AR: variants seen among roughly 807,000 people sequenced by gnomAD.
The protein encoded by AR is androgen receptor, also known as dihydrotestosterone receptor.
AR carries 8 observed loss-of-function variants against 53.9 expected under a neutral mutation model. That is an observed-to-expected ratio of 0.15 (90% confidence interval 0.09 to 0.27). The LOEUF (loss-of-function observed/expected upper bound fraction) is 0.27, where lower values mean the gene tolerates loss of function less well. Among genes scored for constraint, AR ranks in the 10% least tolerant of loss-of-function variants. AR has a pLI of 1.00. For synonymous variants in AR, 359 were observed against 316.4 expected (o/e 1.13, Z -1.43); for missense variants, 639 against 742.5 (o/e 0.86, Z 1.62).
chrX:67,577,004 C>CTTTT (rs35442632), intron 1 of AR, among the ~76,000 whole-genome samples: 4 of 90,800 alleles, frequency 4.4e-5, no homozygotes, highest in African/African-American at 4.1e-5. Context: ...CTCTCTCTCT[C>CTTTT]TTTTTTTTTT....
intron 5 of AR, 151 bp downstream of exon 5, chrX:67,717,773 C>A (rs765922651): frequency 1.1e-6 from 1 of 880,606 alleles, no homozygotes; most frequent in Non-Finnish European, 1.6e-6. Flanking sequence ...CAGTATGAGG[C>A]GGCTTTGCCC....
chrX:67,640,822 A>T (rs1925720270), intron 1 of AR, among the ~76,000 whole-genome samples: 1 of 111,376 alleles, frequency 9.0e-6, no homozygotes, highest in Non-Finnish European at 1.9e-5. Context: ...TATCATTATC[A>T]TCTCCTTTAC....
At chrX:67,705,732 AAGGG>A (rs1222922053) in intron 3 of AR, among the ~76,000 whole-genome samples, 1 of 111,704 alleles carries the variant, frequency 9.0e-6, no homozygotes, top group Non-Finnish European at 1.9e-5. Flanking sequence ...CCAGTTTTCA[AAGGG>A]AGTGCTTCCA....
chrX:67,661,632 G>C (rs1483839068), intron 2 of AR, among the ~76,000 whole-genome samples: 1 of 111,586 alleles, frequency 9.0e-6, no homozygotes, highest in African/African-American at 3.3e-5. Flanking sequence ...ATGTTTATCA[G>C]GGATATCGGT....
intron 1 of AR, among the ~76,000 whole-genome samples, chrX:67,618,533 A>AT (rs1690258764): frequency 9.0e-6 from 1 of 111,503 alleles, no homozygotes; most frequent in Non-Finnish European, 1.9e-5. Flanking sequence ...GACACTGGAA[A>AT]TTTATCAATG....
At chrX:67,681,765 A>G (rs1175093776) in intron 2 of AR, among the ~76,000 whole-genome samples, 4 of 112,364 alleles carry the variant, frequency 3.6e-5, no homozygotes, top group Non-Finnish European at 7.5e-5. Context: ...GGGATGCTGC[A>G]GAGAGGATTC....
At chrX:67,677,951 CAT>C (rs2075910328) in intron 2 of AR, among the ~76,000 whole-genome samples, 1 of 111,601 alleles carries the variant, frequency 9.0e-6, no homozygotes. Flanking sequence ...TCTGTTATCT[CAT>C]GTGAGAAAAG....
chrX:67,726,070 A>T lies in AR; in HGVS notation c.*2229A>T, dbSNP rs2076156524. 1 of 174,393 alleles carries T rather than the reference A, an allele frequency of 5.7e-6. No individual in the cohort carries two copies. The allele number at this position is 174,393 out of a possible 1,213,427, so 14.4% of individuals were successfully genotyped here. On this transcript the variant is annotated 3_prime_UTR_variant, in exon 8 of 8. Transcript: ENST00000374690. ...GAGAGGATAGTTTCTGAGTGACATG[A>T]TATGATCCACAAGGGTTTCCTTCCC...
At chrX:67,706,231 C>G (rs1055119556) in intron 3 of AR, among the ~76,000 whole-genome samples, 1 of 111,667 alleles carries the variant, frequency 9.0e-6, no homozygotes, top group South Asian at 3.7e-4. Flanking sequence ...GTACCAGCTC[C>G]TCCTTGTACC....
At chrX:67,559,339 A>G (rs921243414) in intron 1 of AR, among the ~76,000 whole-genome samples, 2 of 112,059 alleles carry the variant, frequency 1.8e-5, no homozygotes, top group Admixed American at 9.5e-5. Flanking sequence ...ACAAGATTGG[A>G]CAGAGAATTG....
At chrX:67,622,136 T>C (rs1924412196) in intron 1 of AR, among the ~76,000 whole-genome samples, 1 of 112,163 alleles carries the variant, frequency 8.9e-6, no homozygotes, top group Non-Finnish European at 1.9e-5. Flanking sequence ...AAAATATTGG[T>C]TCAGTAAGAT....
At chrX:67,639,601 A>T (rs1168787416) in intron 1 of AR, among the ~76,000 whole-genome samples, 1 of 111,662 alleles carries the variant, frequency 9.0e-6, no homozygotes, top group African/African-American at 3.3e-5. Context: ...GAGTTCACTC[A>T]TGATTTGGCT....
chrX:67,555,422 T>C (rs1203572893), intron 1 of AR, among the ~76,000 whole-genome samples: 3 of 112,270 alleles, frequency 2.7e-5, no homozygotes, highest in Non-Finnish European at 5.6e-5. Context: ...CCAGTCAAGT[T>C]AGTTGCCAAT....
intron 1 of AR, among the ~76,000 whole-genome samples, chrX:67,637,460 G>A (rs1925497611): frequency 9.4e-6 from 1 of 106,765 alleles, no homozygotes; most frequent in Non-Finnish European, 1.9e-5. Flanking sequence ...AGTTTGCTGA[G>A]GATGATGGTT....
intron 1 of AR, among the ~76,000 whole-genome samples, chrX:67,595,871 A>G (rs1374983910): frequency 1.8e-5 from 2 of 111,534 alleles, no homozygotes; most frequent in Admixed American, 9.6e-5. Context: ...TTATAAATGT[A>G]TGAAATCACA....
At chrX:67,641,055 C>T (rs1428759355) in intron 1 of AR, among the ~76,000 whole-genome samples, 1 of 111,589 alleles carries the variant, frequency 9.0e-6, no homozygotes, top group Non-Finnish European at 1.9e-5. Flanking sequence ...TCCATAGGGC[C>T]AGATGCTAAG....
At chrX:67,616,078 G>A (rs1028954915) in intron 1 of AR, among the ~76,000 whole-genome samples, 4 of 111,237 alleles carry the variant, frequency 3.6e-5, no homozygotes, top group East Asian at 5.6e-4. Flanking sequence ...ATATGATGTC[G>A]ATTCTGTTAA....
chrX:67,589,472 T>G (rs1222519666), intron 1 of AR, among the ~76,000 whole-genome samples: 1 of 111,673 alleles, frequency 9.0e-6, no homozygotes. Flanking sequence ...CTAATTGACA[T>G]GAATTTGGGA....
intron 1 of AR, among the ~76,000 whole-genome samples, chrX:67,612,240 C>T (rs1455030812): frequency 1.8e-5 from 2 of 112,431 alleles, no homozygotes; most frequent in Non-Finnish European, 3.8e-5. Context: ...CTTTCTTTCT[C>T]TGCTTTGGCA....
Sources: gnomAD v4.1 joint callset for allele counts (sites outside exome capture counted in the v4.1 genomes callset) on GRCh38, gnomAD v4.1.1 for gene constraint, MANE v1.5 for transcripts, NCBI Gene and HGNC (gene_info 2026-07-23, HGNC 2026-07-21) for gene names.